Variants in CACNA1B observed in about 807,000 individuals in gnomAD.
CACNA1B encodes the protein calcium voltage-gated channel subunit alpha1 B, also known as voltage-dependent N-type calcium channel subunit alpha-1B.
In CACNA1B, 70 loss-of-function variants were observed where a neutral mutation model predicts 247.2. The observed-to-expected ratio is 0.28, with a 90% CI of 0.23 to 0.35. The LOEUF is 0.35. Among genes scored for constraint, CACNA1B ranks in the 10% least tolerant of loss-of-function variants. The probability of loss-of-function intolerance (pLI) is 1.00; values close to 1 mark genes in which losing one functional copy is unlikely to be tolerated. For synonymous variants in CACNA1B, 1,231 were observed against 1,294.4 expected (o/e 0.95, Z 1.05); for missense variants, 2,367 against 3,197.4 (o/e 0.74, Z 6.26).
intron 21 of CACNA1B, among the ~76,000 whole-genome samples, chr9:138,044,876 T>C (rs1443179173): frequency 6.6e-6 from 1 of 152,218 alleles, no homozygotes; most frequent in Non-Finnish European, 1.5e-5. Flanking sequence ...CTTGGGAGCT[T>C]ACCCTGCTAC....
intron 20 of CACNA1B, among the ~76,000 whole-genome samples, chr9:138,041,421 G>T (rs373217651): frequency 6.6e-6 from 1 of 152,024 alleles, no homozygotes; most frequent in Non-Finnish European, 1.5e-5. Flanking sequence ...TCCAAAGCTC[G>T]CTGTTTTGCT....
chr9:138,077,502 G>A (rs1026839849), intron 35 of CACNA1B, among the ~76,000 whole-genome samples: 10 of 152,166 alleles, frequency 6.6e-5, no homozygotes, highest in East Asian at 3.8e-4. Flanking sequence ...TCTGATGAGC[G>A]AGGCAAGTCA....
Position 137,984,212 on chromosome 9 carries a change from G to A in CACNA1B, c.1731G>A (p.Leu577=). The A allele has an allele frequency of 1.2e-6, 2 of 1,602,500 alleles. No homozygotes were observed. Among genetic ancestry groups the A allele is most frequent in the Non-Finnish European group, 1.7e-6 (2 of 1,174,994 alleles). The change falls in exon 13 of 47, where the codon CTG becomes CTA. Residue 577 remains leucine, a synonymous_variant. Coordinates refer to ENST00000371372, the MANE Select transcript of CACNA1B (RefSeq NM_000718.4). ...GAAGCTCCTTTGGGATCAGTGTGCT[G>A]CGGGCCCTCCGCCTGCTGAGGATCT... is the stretch of plus-strand genomic sequence containing the variant. ...KPGSSFGISV[L]RALRLLRIFK...
intron 5 of CACNA1B, among the ~76,000 whole-genome samples, chr9:137,916,671 C>A (rs1045738978): frequency 6.6e-6 from 1 of 152,176 alleles, no homozygotes; most frequent in Non-Finnish European, 1.5e-5. Context: ...GTTAGATCTG[C>A]GTGTCAGGAG....
rs1415432896 is a variant in CACNA1B, at chr9:138,050,827, G to A, written c.3711-1265G>A. 6.6e-6 allele frequency among the ~76,000 whole-genome samples: 1 copy of A among 152,192 alleles called. No homozygotes were observed. Among genetic ancestry groups the A allele is most frequent in the African/African-American group, 2.4e-5 (1 of 41,442 alleles). ...ACTGGGGTGATGGAGACAGGAGGCT[G>A]GGTTCTTCCCACCTGGAAGCGTTTC... On this transcript the variant is annotated intron_variant, in intron 24 of 46. Transcript: ENST00000371372. The surrounding 1 kb of genome is among the most constrained non-coding windows in gnomAD (Gnocchi z 5.2).
intron 3 of CACNA1B, among the ~76,000 whole-genome samples, chr9:137,901,878 A>T (rs529721170): frequency 7.9e-5 from 12 of 151,882 alleles, no homozygotes; most frequent in Admixed American, 6.6e-4. Context: ...TTTAATAGAG[A>T]CGGGGTTTCA....
At chr9:137,953,637 C>G (rs912473870) in intron 7 of CACNA1B, among the ~76,000 whole-genome samples, 1 of 152,072 alleles carries the variant, frequency 6.6e-6, no homozygotes, top group Non-Finnish European at 1.5e-5. Context: ...GAGGAGGCAC[C>G]GGGGGAGGGA....
intron 20 of CACNA1B, among the ~76,000 whole-genome samples, chr9:138,033,051 T>A (rs2133452846): frequency 6.6e-6 from 1 of 152,332 alleles, no homozygotes; most frequent in South Asian, 2.1e-4. Context: ...CAAAGGCCCC[T>A]GAGCTCTGTT....
intron 1 of CACNA1B, 113 bp downstream of exon 1, chr9:137,878,330 C>T: frequency 3.1e-6 from 3 of 980,314 alleles, no homozygotes; most frequent in Non-Finnish European, 3.9e-6. Context: ...CGTCGGGAGA[C>T]GGGCGAGGGG....
intron 6 of CACNA1B, among the ~76,000 whole-genome samples, chr9:137,934,806 A>G (rs911976103): frequency 2.6e-5 from 4 of 152,314 alleles, no homozygotes; most frequent in Non-Finnish European, 4.4e-5. Flanking sequence ...GGACCACCCC[A>G]TGGGACAAAA....
chr9:138,105,810 G>A lies in CACNA1B; in HGVS notation c.5428+3G>A, dbSNP rs1361762654. On this transcript the variant is annotated splice_donor_region_variant and intron_variant, in intron 39 of 46. Coordinates refer to ENST00000371372, the MANE Select transcript of CACNA1B (RefSeq NM_000718.4). ...ACTGGAGATCAAGCTGGCCCCAGGT[G>A]AGCAAGGCAGCCTCGGAAGGAGGGC... The A allele has an allele frequency of 1.3e-6, 2 of 1,513,026 alleles. No homozygotes were observed. Among genetic ancestry groups the A allele is most frequent in the South Asian group, 2.4e-5 (2 of 83,432 alleles). The allele number at this position is 1,513,026 out of a possible 1,614,324, so 93.7% of individuals were successfully genotyped here.
chr9:138,053,968 C>T lies in CACNA1B; in HGVS notation c.3930C>T (p.Tyr1310=). 1 of 1,613,984 alleles carries T rather than the reference C, an allele frequency of 6.2e-7. No individual in the cohort carries two copies. Among genetic ancestry groups the T allele is most frequent in the Non-Finnish European group, 8.5e-7 (1 of 1,179,850 alleles). The change falls in exon 26 of 47, where the codon TAC becomes TAT. Residue 1310 remains tyrosine (Y), a synonymous_variant. Coordinates refer to ENST00000371372, the MANE Select transcript of CACNA1B (RefSeq NM_000718.4). ...AGCTCTTCAAAGGGAAGTTTTTCTA[C>T]TGCACAGATGAATCCAAGGAGCTGG... is the stretch of plus-strand genomic sequence containing the variant. ...AVQLFKGKFF[Y]CTDESKELER... is the part of the protein sequence containing the mutation.
intron 20 of CACNA1B, among the ~76,000 whole-genome samples, chr9:138,042,658 C>T (rs544094783): frequency 2.6e-5 from 4 of 152,234 alleles, no homozygotes; most frequent in Non-Finnish European, 2.9e-5. Flanking sequence ...CAAAAGTGGT[C>T]GCTTTAAACT....
intron 16 of CACNA1B, among the ~76,000 whole-genome samples, chr9:138,009,362 G>T (rs998716157): frequency 1.3e-5 from 2 of 152,208 alleles, no homozygotes; most frequent in Non-Finnish European, 2.9e-5. Context: ...TGCAATCTAC[G>T]GAGCGGATGC....
chr9:138,093,513 G>A (rs1960951133), intron 36 of CACNA1B, among the ~76,000 whole-genome samples: 1 of 151,976 alleles, frequency 6.6e-6, no homozygotes, highest in Admixed American at 6.6e-5. Context: ...GTCCAAGGCA[G>A]GCAGATCAGT....
At chr9:138,090,736 C>CAAAAAAAAAAAAAAAAAAAAAAAAAA (rs1960850690) in intron 36 of CACNA1B, among the ~76,000 whole-genome samples, 2 of 46,250 alleles carry the variant, frequency 4.3e-5, no homozygotes, top group African/African-American at 1.9e-4. Flanking sequence ...AAAAAAAAAT[C>CAAAAAAAAAAAAAAAAAAAAAAAAAA]AGATTAATAA....
Position 137,882,587 on chromosome 9 carries a change from G to A in CACNA1B, c.391-157G>A, listed in dbSNP as rs1186364481. Among the ~76,000 whole-genome samples, 2 of 152,162 alleles carry A rather than the reference G, an allele frequency of 1.3e-5. No homozygotes were observed. The highest frequency in any genetic ancestry group is 4.8e-5 in the African/African-American group (2 of 41,430). ...GGCTCAGTGATGGGAATGGCTCCTT[G>A]GAGAATCTGCAGGGTGTTGGGGGCA... On this transcript the variant is annotated intron_variant, in intron 2 of 46. Transcript: ENST00000371372. The surrounding 1 kb of genome is among the most constrained non-coding windows in gnomAD (Gnocchi z 4.0).
In CACNA1B at chr9:137,986,031, A is replaced by C. The variant is rs1958356945; in HGVS notation, c.1770-382A>C. On this transcript the variant is annotated intron_variant, in intron 13 of 46. Transcript: ENST00000371372. This position sits in a 1 kb window ranked among gnomAD's most constrained non-coding sequence, Gnocchi z 6.0. ...TGACAACAGTTGTGGGACTTGCTTC[A>C]CATGGCACTGGTCTGAGACACTTGG... Among the ~76,000 whole-genome samples the C allele has an allele frequency of 6.6e-6, 1 of 152,204 alleles. No homozygotes were observed. The highest frequency in any genetic ancestry group is 2.4e-5 in the African/African-American group (1 of 41,432).
Position 138,054,524 on chromosome 9 carries a change from A to C in CACNA1B, c.3968+518A>C, listed in dbSNP as rs1221386941. Among the ~76,000 whole-genome samples, 1 of 152,242 alleles carries C rather than the reference A, an allele frequency of 6.6e-6. No individual in the cohort carries two copies. The highest frequency in any genetic ancestry group is 1.5e-5 in the Non-Finnish European group (1 of 68,038). ...GGACCCCGGGCAAGGCAGTACCCAC[A>C]GTGTCTTCCTGCCCACGCGGCAGCG... On this transcript the variant is annotated intron_variant, in intron 26 of 46. Coordinates refer to ENST00000371372, the MANE Select transcript of CACNA1B (RefSeq NM_000718.4). This position sits in a 1 kb window ranked among gnomAD's most constrained non-coding sequence, Gnocchi z 4.6.
Sources: allele counts gnomAD v4.1 joint callset (sites outside exome capture counted in the v4.1 genomes callset), GRCh38; gene constraint gnomAD v4.1.1; non-coding constraint Gnocchi (gnomAD v3.1); transcripts MANE v1.5; gene names NCBI Gene and HGNC (gene_info 2026-07-23, HGNC 2026-07-21).